Variants in PRH1 observed in about 807,000 individuals in gnomAD.
PRH1 encodes the protein proline rich protein HaeIII subfamily 1.
A neutral mutation model predicts 7.9 loss-of-function variants in PRH1; 7 were observed. That is an observed-to-expected ratio of 0.89 (90% CI 0.50 to 1.67). PRH1 has a LOEUF of 1.67. Among genes scored for constraint, PRH1 ranks in the 40% most tolerant of loss-of-function variants. The probability of loss-of-function intolerance (pLI) is 0.00; values close to 1 mark genes in which losing one functional copy is unlikely to be tolerated. For missense variants in PRH1, 109 were observed against 223.6 expected, an observed-to-expected ratio of 0.49 and a Z score of 3.27; for synonymous variants, 45 against 80.8, an observed-to-expected ratio of 0.56 and a Z score of 2.38.
In PRH1 at chr12:11,028,422, T is replaced by G. The variant is rs1240769188; in HGVS notation, c.-126+18598A>C. On this transcript the variant is annotated intron_variant, in intron 1 of 3. Transcript: ENST00000539853. ...TCACCTCACTGTGAAGTGGCTGCCA[T>G]CAGGGTCATACCAGACATCACCACA... Among the ~76,000 whole-genome samples the G allele has an allele frequency of 2.6e-5, 4 of 152,300 alleles. No homozygotes were observed. In the South Asian group the frequency reaches 8.3e-4, roughly 32 times the overall value.
intron 1 of PRH1, among the ~76,000 whole-genome samples, chr12:11,037,974 G>A (rs1468421090): frequency 4.6e-5 from 7 of 152,354 alleles, no homozygotes; most frequent in Admixed American, 6.5e-5. Flanking sequence ...CCCAGGTGGC[G>A]GAGGTTGCAT....
At chr12:11,046,996 A>G (rs1057072573) in intron 1 of PRH1, 3 of 492,590 alleles carry the variant, frequency 6.1e-6, no homozygotes, top group African/African-American at 5.8e-5. Flanking sequence ...TGGTTTGAAA[A>G]CACGTCTAAG....
intron 2 of PRH1, among the ~76,000 whole-genome samples, chr12:10,893,944 C>T (rs1433396804): frequency 6.6e-6 from 1 of 151,984 alleles, no homozygotes; most frequent in Non-Finnish European, 1.5e-5. Flanking sequence ...TACATGCTTT[C>T]TCATTACATT....
chr12:10,949,802 G>C (rs1050919869), intron 2 of PRH1, among the ~76,000 whole-genome samples: 4 of 152,036 alleles, frequency 2.6e-5, no homozygotes, highest in Non-Finnish European at 5.9e-5. Context: ...CAAAAATCCA[G>C]ACACTCCCCA....
chr12:10,908,423 A>C (rs772589984), intron 2 of PRH1: 1 of 1,613,302 alleles, frequency 6.2e-7, no homozygotes. Flanking sequence ...CCACCAAAAG[A>C]AAGGCCTGTC....
chr12:10,967,078 G>A (rs1001500414), intron 2 of PRH1, among the ~76,000 whole-genome samples: 1 of 139,774 alleles, frequency 7.2e-6, no homozygotes, highest in African/African-American at 2.7e-5. Context: ...TGGCGCCACC[G>A]CACTCCAGCC....
intron 1 of PRH1, among the ~76,000 whole-genome samples, chr12:10,990,206 AT>A (rs1360506285): frequency 3.9e-5 from 6 of 152,222 alleles, no homozygotes; most frequent in Non-Finnish European, 7.3e-5. Flanking sequence ...TGCCAAGAAC[AT>A]ACTCTGGGGA....
rs1293189194 is a variant in PRH1, at chr12:10,988,815, C to CT, written c.-125-15095dup. 2.2e-4 allele frequency among the ~76,000 whole-genome samples: 33 copies of CT among 151,312 alleles called. No individual in the cohort carries two copies. In the East Asian group the frequency reaches 3.7e-3, roughly 17 times the overall value. On this transcript the variant is annotated intron_variant, in intron 1 of 3. Coordinates refer to the PRH1 transcript ENST00000539853. ...TTAGAATGATCATTTCCTTGATTTT[C>CT]TTTTTTTTTGAGACAGAGTCTCGCT...
At chr12:11,048,704 C>T (rs77847892), upstream of PRH1, 39 of 324,760 alleles carry the variant, frequency 1.2e-4, no homozygotes, top group Non-Finnish European at 1.8e-4. Context: ...CAGGGTGTGA[C>T]GTTTGCTGGC....
chr12:11,014,664 T>C (rs78531511), intron 1 of PRH1, among the ~76,000 whole-genome samples: 7 of 150,784 alleles, frequency 4.6e-5, no homozygotes, highest in Non-Finnish European at 7.4e-5. Context: ...AATTCAATAA[T>C]TGAAGGAAAG....
At chr12:10,980,680 T>C (rs886109982) in intron 1 of PRH1, among the ~76,000 whole-genome samples, 1 of 152,008 alleles carries the variant, frequency 6.6e-6, no homozygotes, top group African/African-American at 2.4e-5. Flanking sequence ...ACAAGCCCGA[T>C]TGATTAAAGG....
chr12:11,052,527 G>T (rs1360346008), intron 1 of PRH1, among the ~76,000 whole-genome samples: 2 of 151,552 alleles, frequency 1.3e-5, no homozygotes, highest in African/African-American at 4.8e-5. Context: ...GATTACTAAA[G>T]ATATATGCTG....
chr12:10,891,001 G>C (rs1210786490), intron 2 of PRH1, among the ~76,000 whole-genome samples: 3 of 151,960 alleles, frequency 2.0e-5, no homozygotes, highest in Non-Finnish European at 4.4e-5. Flanking sequence ...TATCCAACAG[G>C]GCTATACTAA....
chr12:11,171,237 G>T, intron 1 of PRH1: 1 of 589,198 alleles, frequency 1.7e-6, no homozygotes, highest in Non-Finnish European at 2.5e-6. Flanking sequence ...CGGCAAGCTT[G>T]GGTGTGAGCC....
intron 2 of PRH1, 114 bp from the exon 3 acceptor site, chr12:10,882,812 T>C: frequency 6.6e-7 from 1 of 1,518,188 alleles, no homozygotes; most frequent in Admixed American, 2.1e-5. Flanking sequence ...GCCTCTCAAC[T>C]CCCAACCTCC....
chr12:11,117,559 A>G (rs1430783677), downstream of PRH1, among the ~76,000 whole-genome samples: 1 of 152,192 alleles, frequency 6.6e-6, no homozygotes, highest in African/African-American at 2.4e-5. Flanking sequence ...AAATAGAGAA[A>G]ACAATCCTAA....
chr12:10,982,423 T>C (rs1194239120), intron 1 of PRH1, among the ~76,000 whole-genome samples: 1 of 152,226 alleles, frequency 6.6e-6, no homozygotes, highest in Non-Finnish European at 1.5e-5. Flanking sequence ...ACATTCGCTC[T>C]AGGATGTGGT....
chr12:11,072,810 C>A (rs1377770922), intron 1 of PRH1, among the ~76,000 whole-genome samples: 1 of 119,298 alleles, frequency 8.4e-6, no homozygotes, highest in African/African-American at 2.8e-5. Context: ...ACGGGTGGGT[C>A]GGGAGATTAA....
At chr12:11,065,481 A>G (rs1490861545) in intron 1 of PRH1, among the ~76,000 whole-genome samples, 3 of 152,084 alleles carry the variant, frequency 2.0e-5, no homozygotes, top group Admixed American at 2.0e-4. Context: ...CTCTAGCCTT[A>G]TATTTTCTAC....
Sources: gnomAD v4.1 joint callset for allele counts (sites outside exome capture counted in the v4.1 genomes callset) on GRCh38, gnomAD v4.1.1 for gene constraint, MANE v1.5 for transcripts, NCBI Gene and HGNC (gene_info 2026-07-23, HGNC 2026-07-21) for gene names.